The following SDK1 variants were observed in gnomAD, a reference collection of about 807,000 sequenced individuals.
SDK1 encodes the protein sidekick cell adhesion molecule 1, also known as protein sidekick-1.
Under a neutral mutation model 245.5 loss-of-function variants are expected in SDK1, and 157 were observed. The observed-to-expected ratio is 0.64, with a 90% CI of 0.56 to 0.73. The LOEUF (loss-of-function observed/expected upper bound fraction) is 0.73, where lower values mean the gene tolerates loss of function less well. SDK1 is among the 30% of genes least tolerant of loss of function. The pLI is 0.00. For synonymous variants in SDK1, 1,647 were observed against 1,278.5 expected (o/e 1.29, Z -6.15); for missense variants, 3,583 against 3,002.3 (o/e 1.19, Z -4.52).
intron 40 of SDK1, among the ~76,000 whole-genome samples, chr7:4,225,462 C>T (rs1348427402): frequency 6.6e-6 from 1 of 152,138 alleles, no homozygotes; most frequent in African/African-American, 2.4e-5. Flanking sequence ...CTGGGCTCAG[C>T]CTCTTAACGC....
At chr7:3,428,406 A>T (rs1274366484) in intron 1 of SDK1, among the ~76,000 whole-genome samples, 1 of 152,264 alleles carries the variant, frequency 6.6e-6, no homozygotes, top group Non-Finnish European at 1.5e-5. Context: ...TAACCATTTC[A>T]CAAAGTCTTA....
intron 1 of SDK1, among the ~76,000 whole-genome samples, chr7:3,415,490 CAA>C (rs1223551611): frequency 2.0e-5 from 3 of 151,862 alleles, no homozygotes; most frequent in African/African-American, 4.8e-5. Context: ...GATTAAAAAA[CAA>C]TGATGAGTGA....
chr7:4,042,664 G>GCCA (rs148790212), intron 17 of SDK1, among the ~76,000 whole-genome samples: 1 of 91,796 alleles, frequency 1.1e-5, no homozygotes, highest in Non-Finnish European at 2.0e-5. Context: ...AGTCTGAGCA[G>GCCA]CGGGAGGCCA....
At chr7:3,996,974 C>T (rs964815978) in intron 14 of SDK1, among the ~76,000 whole-genome samples, 2 of 152,038 alleles carry the variant, frequency 1.3e-5, no homozygotes, top group East Asian at 3.9e-4. Flanking sequence ...TAACAAAATG[C>T]AGGGAGCTTA....
In SDK1 at chr7:4,267,417, C is replaced by A. The variant is rs987715701; in HGVS notation, c.*2033C>A. Reference sequence around the variant, plus strand: ...AAAATCCTAGATGCTCTGCCCAAAGCCACTTCTGCATGAGAATCGCAACCC... The same window carrying A: ...AAAATCCTAGATGCTCTGCCCAAAGACACTTCTGCATGAGAATCGCAACCC... On this transcript the variant is annotated 3_prime_UTR_variant, in exon 45 of 45. Coordinates refer to ENST00000404826, the MANE Select transcript of SDK1 (RefSeq NM_152744.4). 3.1e-5 allele frequency: 31 copies of A among 985,306 alleles called. No individual in the cohort carries two copies. The African/African-American group carries it at 4.5e-4, about 14-fold the overall frequency. The allele number at this position is 985,306 out of a possible 1,614,324, so 61.0% of individuals were successfully genotyped here.
At chr7:4,204,451 AAAAT>A (rs1223999525) in intron 35 of SDK1, among the ~76,000 whole-genome samples, 1 of 152,172 alleles carries the variant, frequency 6.6e-6, no homozygotes, top group East Asian at 1.9e-4. Flanking sequence ...CAGTTAGAAC[AAAAT>A]AAATAGTTGG....
chr7:3,771,700 C>G (rs997427721), intron 4 of SDK1, among the ~76,000 whole-genome samples: 2 of 152,036 alleles, frequency 1.3e-5, no homozygotes, highest in African/African-American at 4.8e-5. Flanking sequence ...TTTCAAATGT[C>G]CTTTTAAAAG....
intron 4 of SDK1, among the ~76,000 whole-genome samples, chr7:3,817,072 G>C (rs1322535955): frequency 1.3e-5 from 2 of 152,154 alleles, no homozygotes; most frequent in African/African-American, 4.8e-5. Flanking sequence ...TGTATAAATT[G>C]ATGTGGATAT....
At chr7:3,536,025 T>C (rs1487870643) in intron 1 of SDK1, among the ~76,000 whole-genome samples, 1 of 151,692 alleles carries the variant, frequency 6.6e-6, no homozygotes, top group East Asian at 1.9e-4. Flanking sequence ...AAAATCTAAT[T>C]CCCCCCCTGC....
At chr7:4,052,121 C>A (rs1417254301) in intron 19 of SDK1, among the ~76,000 whole-genome samples, 1 of 151,758 alleles carries the variant, frequency 6.6e-6, no homozygotes, top group African/African-American at 2.4e-5. Flanking sequence ...GCTGAACTTG[C>A]TCTTCATGTA....
chr7:3,675,062 A>G (rs1783848998), intron 4 of SDK1, among the ~76,000 whole-genome samples: 1 of 152,134 alleles, frequency 6.6e-6, no homozygotes, highest in Non-Finnish European at 1.5e-5. Context: ...ACGGCTGTAA[A>G]CCTTCTCATG....
intron 1 of SDK1, among the ~76,000 whole-genome samples, chr7:3,380,351 G>T (rs1237592044): frequency 6.6e-6 from 1 of 152,148 alleles, no homozygotes. Flanking sequence ...TTGTTTTAAC[G>T]TTGTTAAATG....
chr7:3,530,376 A>C (rs1783301643), intron 1 of SDK1, among the ~76,000 whole-genome samples: 1 of 152,116 alleles, frequency 6.6e-6, no homozygotes, highest in Admixed American at 6.5e-5. Flanking sequence ...TATGTGTTTC[A>C]TGGTGGCTAA....
At chr7:3,469,365 A>G (rs1009100857) in intron 1 of SDK1, among the ~76,000 whole-genome samples, 2 of 152,200 alleles carry the variant, frequency 1.3e-5, no homozygotes, top group African/African-American at 4.8e-5. Context: ...CAGGAGTTCA[A>G]GGCTGAAGTG....
intron 4 of SDK1, among the ~76,000 whole-genome samples, chr7:3,676,557 C>T (rs374142226): frequency 6.6e-6 from 1 of 151,796 alleles, no homozygotes; most frequent in Non-Finnish European, 1.5e-5. Context: ...AATCTCCTGA[C>T]CTTGTGATCT....
chr7:4,145,832 G>C lies in SDK1; in HGVS notation c.4339G>C (p.Ala1447Pro), dbSNP rs371754353. 2 of 1,613,800 alleles carry C rather than the reference G, an allele frequency of 1.2e-6. No homozygotes were observed. The highest frequency in any genetic ancestry group is 4.5e-5 in the East Asian group (2 of 44,854). ...AGCCACCGACCTGGCCCCGGAGTCC[G>C]CATACATCTTCAGGCTGTCCGCCAA... ...FTATDLAPES[A>P]YIFRLSAKTR... The change falls in exon 29 of 45, where the codon GCA becomes CCA. Residue 1447 changes from alanine to proline, a missense_variant. Ala to Pro is a conservative substitution (Grantham distance 27). Transcript: ENST00000404826.
chr7:3,448,773 C>T (rs1056293036), intron 1 of SDK1, among the ~76,000 whole-genome samples: 3 of 152,154 alleles, frequency 2.0e-5, no homozygotes, highest in African/African-American at 7.2e-5. Context: ...TAAATGGTTA[C>T]ATTTTTCCCC....
In SDK1 at chr7:4,266,893, GT is replaced by G; in HGVS notation, c.*1510del. 7.1e-6 allele frequency: 7 copies of G among 985,520 alleles called. No individual in the cohort carries two copies. The highest frequency in any genetic ancestry group is 8.4e-6 in the Non-Finnish European group (7 of 829,986). 61.0% of individuals were successfully genotyped at this position (985,520 alleles called of 1,614,324 possible). On this transcript the variant is annotated 3_prime_UTR_variant, in exon 45 of 45. Transcript: ENST00000404826. The stretch of plus-strand genomic sequence containing the variant: ...CCCCCAGTGCACGGCAAACGGGCAG[GT>G]GCCGTTCCCCCAGTGACCTGAGGGT...
chr7:4,012,782 C>G (rs145508644), intron 16 of SDK1, among the ~76,000 whole-genome samples: 3,083 of 151,758 alleles, frequency 0.02, 117 homozygotes, highest in African/African-American at 0.069. Flanking sequence ...CCATGGTGAC[C>G]AAGCTGGTCT....
Sources: allele counts gnomAD v4.1 joint callset (sites outside exome capture counted in the v4.1 genomes callset), GRCh38; gene constraint gnomAD v4.1.1; transcripts MANE v1.5; gene names NCBI Gene and HGNC (gene_info 2026-07-23, HGNC 2026-07-21).